CHL1: variants seen among roughly 807,000 people sequenced by gnomAD.
CHL1 encodes neural cell adhesion molecule L1-like protein.
Under a neutral mutation model 141.9 loss-of-function variants are expected in CHL1, and 96 were observed. The observed-to-expected ratio is 0.68, with a 90% CI of 0.57 to 0.80. The LOEUF (loss-of-function observed/expected upper bound fraction) is 0.80, where lower values mean the gene tolerates loss of function less well. Among genes scored for constraint, CHL1 ranks in the 30% least tolerant of loss-of-function variants. The pLI is 0.00. For missense variants in CHL1, 1,820 were observed against 1,457.2 expected (o/e 1.25, Z -4.05); for synonymous variants, 613 against 502.2 (o/e 1.22, Z -2.95).
At chr3:376,654 A>G (rs1462497849) in intron 15 of CHL1, among the ~76,000 whole-genome samples, 1 of 152,208 alleles carries the variant, frequency 6.6e-6, no homozygotes, top group African/African-American at 2.4e-5. Flanking sequence ...CAGAAGTCCT[A>G]TTTCAAGAGG....
intron 1 of CHL1, among the ~76,000 whole-genome samples, chr3:243,635 A>C (rs1389000067): frequency 6.6e-6 from 1 of 152,166 alleles, no homozygotes; most frequent in African/African-American, 2.4e-5. Context: ...ATCTGTTTCT[A>C]ACTACTTGGC....
intron 2 of CHL1, among the ~76,000 whole-genome samples, chr3:305,766 A>T (rs1414252915): frequency 6.6e-6 from 1 of 151,768 alleles, no homozygotes; most frequent in African/African-American, 2.4e-5. Context: ...TCTGGCAGGG[A>T]TGGGGAGAAG....
chr3:337,794 G>C (rs116642756), intron 5 of CHL1, among the ~76,000 whole-genome samples: 7,769 of 152,146 alleles, frequency 0.051, 684 homozygotes, highest in African/African-American at 0.18. Context: ...TGGGTTGGTT[G>C]CAGGTCTTTA....
At chr3:225,784 C>T (rs955650423) in intron 1 of CHL1, among the ~76,000 whole-genome samples, 2 of 152,084 alleles carry the variant, frequency 1.3e-5, no homozygotes, top group African/African-American at 2.4e-5. Context: ...CTGAGGTGGG[C>T]AGATCACGAG....
rs762671031 is a variant in CHL1 at position 405,497 on chromosome 3, A to C, written c.3461A>C (p.Asp1154Ala). 1.2e-6 allele frequency: 2 copies of C among 1,606,266 alleles called. No individual in the cohort carries two copies. Among genetic ancestry groups the C allele is most frequent in the East Asian group, 2.2e-5 (1 of 44,800 alleles). ...VKDETFGEYS[D>A]SDEKPLKGSL... The stretch of plus-strand genomic sequence containing the variant: ...ATTTTTGTTTGTTTGTTTTCTAGTG[A>C]CAGTGATGAAAAGCCTCTCAAAGGA... Residue 1154 changes from aspartate (D) to alanine (A), a missense_variant and splice_region_variant, in exon 28 of 28, where the codon GAC (aspartate) becomes GCC (alanine). Coordinates refer to ENST00000256509, the MANE Select transcript of CHL1 (RefSeq NM_006614.4).
intron 1 of CHL1, among the ~76,000 whole-genome samples, chr3:224,857 C>T (rs191576164): frequency 9.2e-5 from 14 of 152,306 alleles, no homozygotes; most frequent in South Asian, 8.3e-4. Flanking sequence ...AACTCAGAGC[C>T]GGGTGCAGTG....
At chr3:381,676 T>C (rs1483156107) in intron 16 of CHL1, among the ~76,000 whole-genome samples, 2 of 152,090 alleles carry the variant, frequency 1.3e-5, no homozygotes, top group South Asian at 2.1e-4. Context: ...TGTTTAAAAA[T>C]TGGGAGTCAG....
chr3:226,034 C>T (rs1320418031), intron 1 of CHL1, among the ~76,000 whole-genome samples: 7 of 150,830 alleles, frequency 4.6e-5, no homozygotes, highest in Non-Finnish European at 1.0e-4. Flanking sequence ...TTAATCTTAA[C>T]TTTTTTTGAG....
intron 1 of CHL1, among the ~76,000 whole-genome samples, chr3:229,436 A>G (rs1253786216): frequency 6.6e-6 from 1 of 152,182 alleles, no homozygotes; most frequent in East Asian, 1.9e-4. Context: ...CACTCCAGGT[A>G]TGCGAAGTGA....
chr3:240,972 A>T (rs563368979), intron 1 of CHL1, among the ~76,000 whole-genome samples: 1 of 152,230 alleles, frequency 6.6e-6, no homozygotes, highest in Admixed American at 6.5e-5. Context: ...AGTTTTATAC[A>T]AGTACCATGC....
chr3:357,024 T>G (rs1462764028), intron 11 of CHL1, among the ~76,000 whole-genome samples: 2 of 152,220 alleles, frequency 1.3e-5, no homozygotes, highest in African/African-American at 2.4e-5. Context: ...GCTAGATTGG[T>G]GGCAGTCATG....
At chr3:259,886 A>G (rs73092555) in intron 2 of CHL1, among the ~76,000 whole-genome samples, 8,335 of 152,200 alleles carry the variant, frequency 0.055, 728 homozygotes, top group African/African-American at 0.19. Flanking sequence ...CTAGTGTTTC[A>G]TCTGTGTTCT....
intron 1 of CHL1, among the ~76,000 whole-genome samples, chr3:216,687 T>C (rs544488450): frequency 7.9e-5 from 12 of 152,356 alleles, no homozygotes; most frequent in Admixed American, 5.9e-4. Context: ...TGTAGGCATA[T>C]GATGCCATGG....
At chr3:259,757 C>T (rs920091411) in intron 2 of CHL1, among the ~76,000 whole-genome samples, 1 of 152,172 alleles carries the variant, frequency 6.6e-6, no homozygotes, top group East Asian at 1.9e-4. Flanking sequence ...ATTAAATGAA[C>T]AATTGAATAA....
At position 361,147 on chromosome 3, in the gene CHL1, C is replaced by G. The variant is rs1704207630; in HGVS notation, c.1307-552C>G. On this transcript the variant is annotated intron_variant, in intron 12 of 27. Coordinates refer to ENST00000256509, the MANE Select transcript of CHL1 (RefSeq NM_006614.4). ...AGGAATCCCTATTTAATAAATGGTG[C>G]TGGGAAAACTGGCTAGCCATATGTA... Among the ~76,000 whole-genome samples the G allele has an allele frequency of 2.0e-5, 3 of 151,642 alleles. No individual in the cohort carries two copies. In the South Asian group the frequency reaches 6.3e-4, roughly 32 times the overall value.
chr3:382,548 A>G lies in CHL1; in HGVS notation c.2053A>G (p.Lys685Glu), dbSNP rs773695932. Residue 685 changes from lysine to glutamate, a missense_variant, in exon 18 of 28, where the codon AAA (lysine) becomes GAA (glutamate). Physicochemically the swap from Lys to Glu is moderately conservative, Grantham distance 56 (BLOSUM62 1). Transcript: ENST00000256509. The part of the protein sequence containing the change: ...WEELTRVQGK[K>E]TTVILPLAPF... The stretch of plus-strand genomic sequence containing the variant: ...GGAACTGACCAGAGTCCAAGGAAAG[A>G]AAACCACAGTTATCTTACCTTTGGC... The G allele has an allele frequency of 5.0e-6, 8 of 1,613,864 alleles. No homozygotes were observed. The Admixed American group carries it at 1.3e-4, about 27-fold the overall frequency.
intron 2 of CHL1, among the ~76,000 whole-genome samples, chr3:300,911 G>A (rs1025346016): frequency 6.6e-6 from 1 of 152,160 alleles, no homozygotes; most frequent in African/African-American, 2.4e-5. Context: ...CAGACTGATG[G>A]AAAAGTTATA....
At chr3:375,522 T>G (rs1706204156) in intron 15 of CHL1, among the ~76,000 whole-genome samples, 1 of 151,804 alleles carries the variant, frequency 6.6e-6, no homozygotes, top group African/African-American at 2.4e-5. Context: ...AAGGTCTCTT[T>G]CTAACAAATT....
intron 1 of CHL1, among the ~76,000 whole-genome samples, chr3:234,112 A>C (rs1574799847): frequency 6.6e-6 from 1 of 152,090 alleles, no homozygotes; most frequent in Middle Eastern, 3.4e-3. Context: ...GGTGAATATT[A>C]ATATATCAAT....
Sources: allele counts gnomAD v4.1 joint callset (sites outside exome capture counted in the v4.1 genomes callset), GRCh38; gene constraint gnomAD v4.1.1; transcripts MANE v1.5; gene names NCBI Gene and HGNC (gene_info 2026-07-23, HGNC 2026-07-21).